Variants in PPARGC1A observed in about 807,000 individuals in gnomAD.
PPARGC1A encodes peroxisome proliferator-activated receptor gamma coactivator 1-alpha.
PPARGC1A carries 25 observed loss-of-function variants against 88.7 expected under a neutral mutation model. The ratio of observed to expected loss-of-function variants is 0.28; its 90% CI spans 0.21 to 0.39. PPARGC1A has a LOEUF of 0.39. Ranked by LOEUF, PPARGC1A falls within the 10% of genes least tolerant of loss-of-function variation. The pLI is 1.00. For missense variants in PPARGC1A, 880 were observed against 968.7 expected (o/e 0.91, Z 1.22); for synonymous variants, 363 against 355.6 (o/e 1.02, Z -0.24).
At chr4:24,467,008 G>GAGAAAGAAAGACAGAAAGAA in the PPARGC1A span, among the ~76,000 whole-genome samples, 7 of 128,838 alleles carry the variant, frequency 5.4e-5, no homozygotes, top group Non-Finnish European at 4.8e-5. Context: ...GAAGGAAGGG[G>GAGAAAGAAAGACAGAAAGAA]AGAAAGAAAG....
chr4:23,910,935 C>G, the PPARGC1A span, among the ~76,000 whole-genome samples: 1 of 152,112 alleles, frequency 6.6e-6, no homozygotes, highest in South Asian at 2.1e-4. Flanking sequence ...AATTCATGCC[C>G]TCCCCTCCCC....
chr4:23,932,848 C>T, the PPARGC1A span, among the ~76,000 whole-genome samples: 1 of 152,120 alleles, frequency 6.6e-6, no homozygotes, highest in African/African-American at 2.4e-5. Flanking sequence ...GACAAAATTC[C>T]ATAGCAATTT....
At chr4:24,188,939 C>T in the PPARGC1A span, among the ~76,000 whole-genome samples, 2 of 152,080 alleles carry the variant, frequency 1.3e-5, no homozygotes, top group Admixed American at 1.3e-4. Context: ...GTAGTGTATC[C>T]ACACAATCGA....
chr4:24,117,886 G>C, the PPARGC1A span, among the ~76,000 whole-genome samples: 1 of 152,022 alleles, frequency 6.6e-6, no homozygotes, highest in Non-Finnish European at 1.5e-5. Flanking sequence ...CCTCACAAAA[G>C]TCCCTACTTT....
upstream of PPARGC1A, among the ~76,000 whole-genome samples, chr4:23,907,399 G>A (rs1398626713): frequency 3.9e-5 from 6 of 152,106 alleles, no homozygotes; most frequent in Admixed American, 3.3e-4. Context: ...TTCTCGATTT[G>A]CAAATTATGC....
the PPARGC1A span, among the ~76,000 whole-genome samples, chr4:23,909,900 G>T: frequency 6.6e-6 from 1 of 151,190 alleles, no homozygotes; most frequent in East Asian, 2.0e-4. Context: ...AATGTTAGCT[G>T]CTAAGGGAAA....
chr4:23,942,255 A>G, the PPARGC1A span, among the ~76,000 whole-genome samples: 1 of 152,204 alleles, frequency 6.6e-6, no homozygotes, highest in African/African-American at 2.4e-5. Context: ...CATAAGAAAT[A>G]AGGTGAGTGA....
the PPARGC1A span, among the ~76,000 whole-genome samples, chr4:23,968,802 C>G: frequency 6.6e-6 from 1 of 152,024 alleles, no homozygotes; most frequent in African/African-American, 2.4e-5. Flanking sequence ...GTAGTCTCAG[C>G]TACTAAGGAG....
At chr4:24,052,732 T>A in the PPARGC1A span, among the ~76,000 whole-genome samples, 1 of 152,100 alleles carries the variant, frequency 6.6e-6, no homozygotes, top group African/African-American at 2.4e-5. Flanking sequence ...GCACACTGAT[T>A]GTCCTTCTTT....
chr4:24,290,079 G>A, the PPARGC1A span, among the ~76,000 whole-genome samples: 6 of 152,156 alleles, frequency 3.9e-5, no homozygotes, highest in South Asian at 4.2e-4. Context: ...AGTACAGCAC[G>A]GGGAAAAACC....
At chr4:23,820,589 CT>C in intron 7 of PPARGC1A, 1 of 426,690 alleles carries the variant, frequency 2.3e-6, no homozygotes, top group South Asian at 1.7e-5. Flanking sequence ...TCTCTTTTCT[CT>C]CATCTTGCTT....
At chr4:24,223,450 A>G in the PPARGC1A span, among the ~76,000 whole-genome samples, 7 of 152,176 alleles carry the variant, frequency 4.6e-5, no homozygotes, top group South Asian at 1.5e-3. Flanking sequence ...GGATTTCACC[A>G]TGTTGGCCAG....
the PPARGC1A span, among the ~76,000 whole-genome samples, chr4:23,926,356 CACCCAA>C: frequency 7.9e-5 from 12 of 152,136 alleles, no homozygotes; most frequent in African/African-American, 2.9e-4. Context: ...TAACCCAATC[CACCCAA>C]ACCAAAAATA....
At chr4:23,868,572 T>A (rs1366173612) in intron 2 of PPARGC1A, among the ~76,000 whole-genome samples, 1 of 152,212 alleles carries the variant, frequency 6.6e-6, no homozygotes, top group Non-Finnish European at 1.5e-5. Flanking sequence ...ATGCAGTTTA[T>A]AATGCACCTT....
At chr4:24,028,860 A>G in the PPARGC1A span, among the ~76,000 whole-genome samples, 1 of 152,162 alleles carries the variant, frequency 6.6e-6, no homozygotes, top group Admixed American at 6.5e-5. Context: ...AATGACTCTA[A>G]TAATAATAAA....
chr4:24,038,025 A>C, the PPARGC1A span, among the ~76,000 whole-genome samples: 1 of 152,214 alleles, frequency 6.6e-6, no homozygotes, highest in Non-Finnish European at 1.5e-5. Flanking sequence ...ACTTTCTTCC[A>C]GCACAATTAG....
At chr4:24,440,807 CACAA>C in the PPARGC1A span, among the ~76,000 whole-genome samples, 96 of 151,458 alleles carry the variant, frequency 6.3e-4, no homozygotes, top group African/African-American at 1.8e-3. Context: ...GTCAAAAAAA[CACAA>C]ACAAACAAAC....
At chr4:23,800,817 T>G (rs1163879108) in intron 12 of PPARGC1A, among the ~76,000 whole-genome samples, 2 of 151,870 alleles carry the variant, frequency 1.3e-5, no homozygotes, top group African/African-American at 4.8e-5. Context: ...ATATTATGTA[T>G]GCTTCAGTTT....
chr4:24,185,664 A>C, the PPARGC1A span, among the ~76,000 whole-genome samples: 51 of 152,234 alleles, frequency 3.4e-4, no homozygotes, highest in African/African-American at 1.2e-3. Context: ...TTTCTTTTTA[A>C]GTTGATAATA....
Sources: gnomAD v4.1 joint callset for allele counts (sites outside exome capture counted in the v4.1 genomes callset) on GRCh38, gnomAD v4.1.1 for gene constraint, MANE v1.5 for transcripts, NCBI Gene and HGNC (gene_info 2026-07-23, HGNC 2026-07-21) for gene names.